Variants in EXOC6B observed in about 807,000 individuals in gnomAD.
EXOC6B encodes exocyst complex component 6B, also known as SEC15 homolog B.
In EXOC6B, 54 loss-of-function variants were observed where a neutral mutation model predicts 113.5. That is an observed-to-expected ratio of 0.48 (90% CI 0.38 to 0.60). The LOEUF (loss-of-function observed/expected upper bound fraction) is 0.60, where lower values mean the gene tolerates loss of function less well. Ranked by LOEUF, EXOC6B falls within the 20% of genes least tolerant of loss-of-function variation. The pLI is 0.00. For missense variants in EXOC6B, 797 were observed against 977.5 expected (o/e 0.82, Z 2.46); for synonymous variants, 357 against 339.0 (o/e 1.05, Z -0.58).
chr2:72,572,633 A>G (rs977587981), intron 7 of EXOC6B, among the ~76,000 whole-genome samples: 40 of 152,216 alleles, frequency 2.6e-4, no homozygotes, highest in Admixed American at 2.6e-3. Context: ...TCCAAAAACT[A>G]TGCAGTTCTC....
At chr2:72,673,505 T>G (rs1051176577) in intron 6 of EXOC6B, among the ~76,000 whole-genome samples, 1 of 152,176 alleles carries the variant, frequency 6.6e-6, no homozygotes, top group African/African-American at 2.4e-5. Context: ...AAGTATATGG[T>G]TAATGTTTAA....
chr2:72,601,453 G>A (rs1039496191), intron 6 of EXOC6B, among the ~76,000 whole-genome samples: 2 of 152,088 alleles, frequency 1.3e-5, no homozygotes, highest in Admixed American at 6.6e-5. Flanking sequence ...CCAAAGTGCT[G>A]GGATTATATG....
At chr2:72,766,803 A>C (rs1341875646) in intron 1 of EXOC6B, among the ~76,000 whole-genome samples, 1 of 151,716 alleles carries the variant, frequency 6.6e-6, no homozygotes, top group Admixed American at 6.6e-5. Flanking sequence ...AAAATAGAAA[A>C]ATCAGCCGGG....
intron 19 of EXOC6B, among the ~76,000 whole-genome samples, chr2:72,361,522 G>A (rs991319235): frequency 6.6e-6 from 1 of 152,178 alleles, no homozygotes; most frequent in Non-Finnish European, 1.5e-5. Context: ...CGGACCAAAG[G>A]TGGATAATTA....
chr2:72,352,378 G>C (rs1689703553), intron 19 of EXOC6B, among the ~76,000 whole-genome samples: 1 of 152,062 alleles, frequency 6.6e-6, no homozygotes, highest in Admixed American at 6.5e-5. Flanking sequence ...ACTAGCTTTT[G>C]GAACGTCAGG....
intron 20 of EXOC6B, among the ~76,000 whole-genome samples, chr2:72,252,397 AC>A: frequency 6.6e-6 from 1 of 152,290 alleles, no homozygotes; most frequent in African/African-American, 2.4e-5. Context: ...TACACTGAGA[AC>A]AATGTTGCAA....
rs140934993 is a variant in EXOC6B at position 72,642,076 on chromosome 2, T to C, written c.670-66408A>G. On this transcript the variant is annotated intron_variant, in intron 6 of 21. Transcript: ENST00000272427. ...AAAGGACATCCACACCAAAACCCCA[T>C]CTGTAGGTCACCAGCATCAAAGACC... Among the ~76,000 whole-genome samples, 69 of 152,188 alleles carry C rather than the reference T, an allele frequency of 4.5e-4. 2 individuals are homozygous for C. The East Asian group carries it at 0.012, about 26-fold the overall frequency.
chr2:72,296,065 A>G (rs1226825480), intron 20 of EXOC6B, among the ~76,000 whole-genome samples: 1 of 152,140 alleles, frequency 6.6e-6, no homozygotes, highest in Non-Finnish European at 1.5e-5. Flanking sequence ...AGCAAGTGTT[A>G]TAACAGAATC....
At chr2:72,550,592 A>T (rs1462188459) in intron 8 of EXOC6B, among the ~76,000 whole-genome samples, 1 of 152,196 alleles carries the variant, frequency 6.6e-6, no homozygotes. Flanking sequence ...TATGAATATA[A>T]AATACTTCAA....
chr2:72,240,146 T>G (rs546751525), intron 20 of EXOC6B, among the ~76,000 whole-genome samples: 1 of 152,278 alleles, frequency 6.6e-6, no homozygotes, highest in African/African-American at 2.4e-5. Flanking sequence ...ACTTCTGCCT[T>G]TCCAATCTGA....
At chr2:72,208,171 AGATCCCAT>A (rs1679951805) in intron 20 of EXOC6B, among the ~76,000 whole-genome samples, 2 of 152,090 alleles carry the variant, frequency 1.3e-5, no homozygotes, top group South Asian at 2.1e-4. Context: ...TTTGGGGTAC[AGATCCCAT>A]CACCCAGGTA....
intron 6 of EXOC6B, among the ~76,000 whole-genome samples, chr2:72,619,326 T>G (rs749003187): frequency 2.6e-5 from 4 of 152,148 alleles, no homozygotes; most frequent in Non-Finnish European, 5.9e-5. Flanking sequence ...TTATATTGTT[T>G]TACTGGCAAA....
chr2:72,181,880 G>A (rs1455144938), intron 21 of EXOC6B, among the ~76,000 whole-genome samples: 3 of 152,200 alleles, frequency 2.0e-5, no homozygotes, highest in African/African-American at 7.2e-5. Context: ...ATCCCATTCT[G>A]AAAGCCCAAT....
At chr2:72,709,872 TA>T (rs1405050212) in intron 6 of EXOC6B, among the ~76,000 whole-genome samples, 1 of 151,136 alleles carries the variant, frequency 6.6e-6, no homozygotes, top group Non-Finnish European at 1.5e-5. Context: ...AATATAGCTT[TA>T]AAAAAAAACT....
chr2:72,466,683 T>C (rs1698075768), intron 17 of EXOC6B, among the ~76,000 whole-genome samples: 1 of 152,192 alleles, frequency 6.6e-6, no homozygotes, highest in Non-Finnish European at 1.5e-5. Flanking sequence ...ACAAAAATTA[T>C]ATATTTGTGA....
intron 20 of EXOC6B, among the ~76,000 whole-genome samples, chr2:72,213,027 C>T (rs1384112587): frequency 1.5e-5 from 2 of 133,200 alleles, no homozygotes; most frequent in African/African-American, 5.1e-5. Flanking sequence ...AAAAGTGATG[C>T]TATAGACCTT....
rs76599128 is a variant in EXOC6B, at chr2:72,373,463, T to C, written c.2122+6266A>G. 5.0e-3 allele frequency among the ~76,000 whole-genome samples: 763 copies of C among 152,206 alleles called. 34 individuals carry two copies. The East Asian group carries it at 0.12, about 24-fold the overall frequency. ...AGTTTATGCACAGCAAAGGAAATAA[T>C]CAACAAAGTGAAGAGACAACCCACA... On this transcript the variant is annotated intron_variant, in intron 19 of 21. Coordinates refer to ENST00000272427, the MANE Select transcript of EXOC6B (RefSeq NM_015189.3).
At chr2:72,459,731 C>T (rs970119255) in intron 18 of EXOC6B, among the ~76,000 whole-genome samples, 20 of 152,088 alleles carry the variant, frequency 1.3e-4, no homozygotes, top group African/African-American at 4.3e-4. Context: ...GAAGAACATT[C>T]CATGCTCATG....
chr2:72,825,657 C>A lies in EXOC6B; in HGVS notation c.113+141G>T. 1 of 1,079,272 alleles carries A rather than the reference C, an allele frequency of 9.3e-7. No individual in the cohort carries two copies. The highest frequency in any genetic ancestry group is 1.2e-6 in the Non-Finnish European group (1 of 808,868). The allele number at this position is 1,079,272 out of a possible 1,614,324, so 66.9% of individuals were successfully genotyped here. A position where few individuals can be genotyped will look rare whatever the true frequency, so the allele number is the denominator to read the frequency against. Reference sequence around the variant, plus strand: ...CCGCGTCGGGGCTGCGAAGGGAGACCCGCCTCGCCCGGTATGCAGGGTCTC... The same window carrying A: ...CCGCGTCGGGGCTGCGAAGGGAGACACGCCTCGCCCGGTATGCAGGGTCTC... On this transcript the variant is annotated intron_variant, in intron 1 of 21. Transcript: ENST00000272427. This position sits in a 1 kb window ranked among gnomAD's most constrained non-coding sequence, Gnocchi z 4.4.
Sources: allele counts gnomAD v4.1 joint callset (sites outside exome capture counted in the v4.1 genomes callset), GRCh38; gene constraint gnomAD v4.1.1; non-coding constraint Gnocchi (gnomAD v3.1); transcripts MANE v1.5; gene names NCBI Gene and HGNC (gene_info 2026-07-23, HGNC 2026-07-21).